CFAP299: variants seen among roughly 807,000 people sequenced by gnomAD.
The protein encoded by CFAP299 is cilia and flagella associated protein 299, also known as cilia- and flagella-associated protein 299.
CFAP299 carries 21 observed loss-of-function variants against 27.0 expected under a neutral mutation model. The ratio of observed to expected loss-of-function variants is 0.78; its 90% CI spans 0.55 to 1.12. CFAP299 has a LOEUF of 1.12. Among genes scored for constraint, CFAP299 ranks in the 50% most tolerant of loss-of-function variants. The probability of loss-of-function intolerance (pLI) is 0.00; values close to 1 mark genes in which losing one functional copy is unlikely to be tolerated. For missense variants in CFAP299, 310 were observed against 276.6 expected (o/e 1.12, Z -0.86); for synonymous variants, 104 against 98.1 (o/e 1.06, Z -0.36).
At chr4:80,868,913 G>C (rs866007822) in intron 3 of CFAP299, among the ~76,000 whole-genome samples, 5,892 of 148,458 alleles carry the variant, frequency 0.04, 189 homozygotes, top group East Asian at 0.13. Flanking sequence ...CTCTGTGTGT[G>C]TGTGTGTGTG....
At chr4:80,925,893 AC>A (rs1736280528) in intron 4 of CFAP299, among the ~76,000 whole-genome samples, 1 of 152,056 alleles carries the variant, frequency 6.6e-6, no homozygotes, top group South Asian at 2.1e-4. Context: ...TGTTGTTCCT[AC>A]CCTTATGGGG....
At chr4:80,517,979 G>A (rs1732669962) in intron 2 of CFAP299, among the ~76,000 whole-genome samples, 1 of 152,146 alleles carries the variant, frequency 6.6e-6, no homozygotes, top group Non-Finnish European at 1.5e-5. Flanking sequence ...AAATCTGAGT[G>A]ATAAAGCCAG....
intron 3 of CFAP299, among the ~76,000 whole-genome samples, chr4:80,810,865 A>T (rs183084333): frequency 6.4e-4 from 98 of 152,214 alleles, no homozygotes; most frequent in African/African-American, 2.3e-3. Flanking sequence ...CACTTCACTG[A>T]TTAAATCACT....
At chr4:80,390,948 CACACATGTATAT>C (rs1725435137) in intron 2 of CFAP299, among the ~76,000 whole-genome samples, 7 of 42,250 alleles carry the variant, frequency 1.7e-4, no homozygotes, top group Non-Finnish European at 4.4e-4. Flanking sequence ...TATGTATGTA[CACACATGTATAT>C]ATGTATATAT....
intron 3 of CFAP299, among the ~76,000 whole-genome samples, chr4:80,655,283 A>G (rs1000902811): frequency 6.6e-6 from 1 of 152,192 alleles, no homozygotes; most frequent in African/African-American, 2.4e-5. Flanking sequence ...CTCTAACATT[A>G]TGACAAGAAA....
rs531234816 is a variant in CFAP299, at chr4:80,926,182, G to A, written c.477-18628G>A. On this transcript the variant is annotated intron_variant, in intron 4 of 5. Transcript: ENST00000358105. ...CAGAGCCTGAAATGGCATGTTTAGA[G>A]AAATGCACATAGTAGAAAAAGCTCA... Among the ~76,000 whole-genome samples the A allele has an allele frequency of 3.3e-5, 5 of 152,154 alleles. No homozygotes were observed. The East Asian group carries it at 9.7e-4, about 29-fold the overall frequency.
intron 3 of CFAP299, among the ~76,000 whole-genome samples, chr4:80,769,868 C>T (rs543457921): frequency 1.1e-4 from 17 of 152,284 alleles, no homozygotes; most frequent in African/African-American, 3.9e-4. Flanking sequence ...AATTCATTTT[C>T]TTGTAGCTGT....
At chr4:80,810,554 G>A (rs942828898) in intron 3 of CFAP299, among the ~76,000 whole-genome samples, 2 of 152,074 alleles carry the variant, frequency 1.3e-5, no homozygotes, top group Non-Finnish European at 2.9e-5. Context: ...AGAATGCAAC[G>A]TGAAGATGAA....
At position 80,589,838 on chromosome 4, in the gene CFAP299, A is replaced by T. The variant is rs1736632504; in HGVS notation, c.333+6655A>T. On this transcript the variant is annotated intron_variant, in intron 3 of 5. Transcript: ENST00000358105. ...GTGAAGTAAGAAACCATGTTTGGTG[A>T]TGGCAGTAGAGTACATTGTTAGGCA... Among the ~76,000 whole-genome samples, 2 of 152,220 alleles carry T rather than the reference A, an allele frequency of 1.3e-5. 1 individual carries two copies. The highest frequency in any genetic ancestry group is 4.1e-4 in the South Asian group (2 of 4,830).
chr4:80,691,457 A>C (rs1720685461), intron 3 of CFAP299, among the ~76,000 whole-genome samples: 1 of 151,944 alleles, frequency 6.6e-6, no homozygotes, highest in South Asian at 2.1e-4. Context: ...TGATTATCTC[A>C]ATAGATGCAG....
intron 3 of CFAP299, among the ~76,000 whole-genome samples, chr4:80,796,130 T>C (rs549797715): frequency 1.3e-5 from 2 of 152,258 alleles, no homozygotes; most frequent in African/African-American, 4.8e-5. Context: ...ATGAGGAATG[T>C]GTTGCCTCCA....
At chr4:80,499,805 A>T (rs1399176273) in intron 2 of CFAP299, among the ~76,000 whole-genome samples, 1 of 152,156 alleles carries the variant, frequency 6.6e-6, no homozygotes, top group Non-Finnish European at 1.5e-5. Flanking sequence ...ATTAAAAACA[A>T]CATTTCTTTG....
At chr4:80,457,557 C>T (rs1264639197) in intron 2 of CFAP299, among the ~76,000 whole-genome samples, 2 of 152,182 alleles carry the variant, frequency 1.3e-5, no homozygotes, top group African/African-American at 2.4e-5. Context: ...ACTTTCATCT[C>T]TCTCATTCTT....
At chr4:80,799,102 T>C (rs1400736171) in intron 3 of CFAP299, among the ~76,000 whole-genome samples, 2 of 136,742 alleles carry the variant, frequency 1.5e-5, no homozygotes, top group African/African-American at 2.7e-5. Context: ...TGAGTTTATA[T>C]ATATTTATGT....
intron 3 of CFAP299, among the ~76,000 whole-genome samples, chr4:80,608,875 G>A (rs1298777950): frequency 1.3e-5 from 2 of 151,850 alleles, no homozygotes; most frequent in Non-Finnish European, 2.9e-5. Context: ...GTGTGTGTGT[G>A]TGTGTGTGTG....
chr4:80,481,659 C>T (rs959668478), intron 2 of CFAP299, among the ~76,000 whole-genome samples: 1 of 152,106 alleles, frequency 6.6e-6, no homozygotes, highest in East Asian at 1.9e-4. Flanking sequence ...GGAAACCCCG[C>T]GTGACCCTGA....
At chr4:80,936,614 A>G (rs1270523891) in intron 4 of CFAP299, among the ~76,000 whole-genome samples, 1 of 152,104 alleles carries the variant, frequency 6.6e-6, no homozygotes, top group African/African-American at 2.4e-5. Context: ...AGAGGGGAAC[A>G]ACGGACACTG....
chr4:80,459,047 C>T (rs1170982434), intron 2 of CFAP299, among the ~76,000 whole-genome samples: 1 of 152,052 alleles, frequency 6.6e-6, no homozygotes, highest in East Asian at 1.9e-4. Context: ...GTGGTGCACT[C>T]ACAGCTCACT....
At chr4:80,638,963 G>A (rs1327948879) in intron 3 of CFAP299, among the ~76,000 whole-genome samples, 3 of 152,098 alleles carry the variant, frequency 2.0e-5, no homozygotes, top group Non-Finnish European at 2.9e-5. Context: ...CTTTCAGACT[G>A]CCACCTTCTT....
Sources: allele counts gnomAD v4.1 joint callset (sites outside exome capture counted in the v4.1 genomes callset), GRCh38; gene constraint gnomAD v4.1.1; transcripts MANE v1.5; gene names NCBI Gene and HGNC (gene_info 2026-07-23, HGNC 2026-07-21).